Variants in XIRP2 observed in about 807,000 individuals in gnomAD.
XIRP2 encodes xin actin-binding repeat-containing protein 2.
XIRP2 carries 236 observed loss-of-function variants against 277.0 expected under a neutral mutation model. That is an observed-to-expected ratio of 0.85 (90% CI 0.77 to 0.95). The LOEUF (loss-of-function observed/expected upper bound fraction) is 0.95. Ranked by LOEUF, XIRP2 falls within the 40% of genes least tolerant of loss-of-function variation. XIRP2 has a pLI of 0.00. For missense variants in XIRP2, 4,640 were observed against 4,157.5 expected (o/e 1.12, Z -3.19); for synonymous variants, 1,490 against 1,416.5 (o/e 1.05, Z -1.17).
chr2:167,098,210 C>T (rs535015169), intron 2 of XIRP2, among the ~76,000 whole-genome samples: 8 of 152,322 alleles, frequency 5.3e-5, no homozygotes, highest in Middle Eastern at 6.8e-3. Flanking sequence ...AGTCTTTTCA[C>T]ATATTCCCAT....
intron 2 of XIRP2, among the ~76,000 whole-genome samples, chr2:167,068,798 C>T (rs56376536): frequency 0.06 from 9,203 of 152,160 alleles, 421 homozygotes; most frequent in Non-Finnish European, 0.082. Flanking sequence ...TGTGGCCCAG[C>T]ACAAATCATA....
At position 167,243,191 on chromosome 2, in the gene XIRP2, C is replaced by T; in HGVS notation, c.1799C>T (p.Ser600Phe). The T allele has an allele frequency of 6.2e-7, 1 of 1,614,084 alleles. No individual in the cohort carries two copies. The highest frequency in any genetic ancestry group is 8.5e-7 in the Non-Finnish European group (1 of 1,179,996). ...GGCTCTCCTGATGAAGGTGATATTT[C>T]CAGGGGCATTGCTGATCAAGAAATC... ...NNGSPDEGDISRGIADQEIIA... is the reference protein window; with the variant it reads ...NNGSPDEGDIFRGIADQEIIA... The change falls in exon 9 of 11, where the codon TCC (serine) becomes TTC (phenylalanine). Residue 600 changes from serine to phenylalanine, a missense_variant. Transcript: ENST00000409195.
At chr2:166,982,159 G>T (rs1574135432) in intron 2 of XIRP2, among the ~76,000 whole-genome samples, 1 of 151,664 alleles carries the variant, frequency 6.6e-6, no homozygotes, top group Admixed American at 6.6e-5. Flanking sequence ...ATATTTTAAA[G>T]GTTCTTTTTC....
At chr2:167,081,220 C>T (rs1689720594) in intron 2 of XIRP2, among the ~76,000 whole-genome samples, 1 of 152,126 alleles carries the variant, frequency 6.6e-6, no homozygotes, top group South Asian at 2.1e-4. Flanking sequence ...AATCCCAGCA[C>T]TTTGGGAGGT....
intron 2 of XIRP2, among the ~76,000 whole-genome samples, chr2:167,088,629 A>G (rs1226299295): frequency 6.6e-6 from 1 of 152,172 alleles, no homozygotes; most frequent in Non-Finnish European, 1.5e-5. Flanking sequence ...TCACAGGGCC[A>G]ATGGCTTTTC....
chr2:167,246,422 T>G lies in XIRP2; in HGVS notation c.5030T>G (p.Ile1677Ser), dbSNP rs1205471414. 2 of 1,613,714 alleles carry G rather than the reference T, an allele frequency of 1.2e-6. No homozygotes were observed. Among genetic ancestry groups the G allele is most frequent in the Non-Finnish European group, 1.7e-6 (2 of 1,179,794 alleles). ...GAGGAAAGATCTGTAAAGAAAGGCATCTTAATTCAGGAAGATGAAAAAGGA... is the reference window on the plus strand; with the variant it reads ...GAGGAAAGATCTGTAAAGAAAGGCAGCTTAATTCAGGAAGATGAAAAAGGA... ...FSEERSVKKGILIQEDEKGDI... is the reference protein window; with the variant it reads ...FSEERSVKKGSLIQEDEKGDI... The change falls in exon 9 of 11, where the codon ATC (isoleucine) becomes AGC (serine). Residue 1677 changes from isoleucine (I) to serine (S), a missense_variant. Ile to Ser is a moderately radical substitution (Grantham distance 142, BLOSUM62 -2). Transcript: ENST00000409195.
At position 167,089,613 on chromosome 2, in the gene XIRP2, A is replaced by T. The variant is rs1690081963; in HGVS notation, c.409-46296A>T. Among the ~76,000 whole-genome samples, 3 of 152,088 alleles carry T rather than the reference A, an allele frequency of 2.0e-5. No homozygotes were observed. In the South Asian group the frequency reaches 6.2e-4, roughly 31 times the overall value. ...CATATGTGTGTGTGTGTATTACTTA[A>T]GTAAATGTGTGTGGGGGGGTGTATT... On this transcript the variant is annotated intron_variant, in intron 2 of 10. Transcript: ENST00000409195.
intron 2 of XIRP2, among the ~76,000 whole-genome samples, chr2:166,996,774 T>C (rs1026255673): frequency 2.0e-5 from 3 of 152,162 alleles, no homozygotes; most frequent in Admixed American, 2.0e-4. Context: ...GCACCCCTTC[T>C]TACGACCACT....
At chr2:167,220,851 C>G (rs577840727) in intron 5 of XIRP2, among the ~76,000 whole-genome samples, 3 of 152,156 alleles carry the variant, frequency 2.0e-5, no homozygotes, top group Admixed American at 6.5e-5. Context: ...TATATATCTA[C>G]TCTACGGTCC....
At chr2:166,904,889 A>G (rs1242951839) in intron 2 of XIRP2, among the ~76,000 whole-genome samples, 1 of 152,080 alleles carries the variant, frequency 6.6e-6, no homozygotes, top group East Asian at 1.9e-4. Context: ...CCATCACAGA[A>G]ATAGAATATT....
intron 2 of XIRP2, among the ~76,000 whole-genome samples, chr2:167,033,221 A>G (rs1157626060): frequency 6.6e-6 from 1 of 152,120 alleles, no homozygotes; most frequent in East Asian, 1.9e-4. Flanking sequence ...ATTCTCACTC[A>G]TAAGTGGGAG....
chr2:167,085,765 C>A (rs1394863471), intron 2 of XIRP2, among the ~76,000 whole-genome samples: 1 of 151,946 alleles, frequency 6.6e-6, no homozygotes, highest in Non-Finnish European at 1.5e-5. Flanking sequence ...AGGATTGCAA[C>A]CCCTGCCTTT....
At chr2:167,133,122 T>G (rs2105315870) in intron 2 of XIRP2, among the ~76,000 whole-genome samples, 1 of 152,334 alleles carries the variant, frequency 6.6e-6, no homozygotes, top group Non-Finnish European at 1.5e-5. Flanking sequence ...AGGGAGGGCT[T>G]GAATCCAACT....
chr2:167,134,480 C>T (rs60303897), intron 2 of XIRP2, among the ~76,000 whole-genome samples: 12,936 of 151,964 alleles, frequency 0.085, 618 homozygotes, highest in African/African-American at 0.12. Flanking sequence ...AGCTGTCTCT[C>T]AAACTTGACT....
chr2:167,201,234 GAAAGAAAGAA>G (rs1693693162), intron 3 of XIRP2, among the ~76,000 whole-genome samples: 1 of 101,186 alleles, frequency 9.9e-6, no homozygotes, highest in African/African-American at 6.3e-5. Context: ...AAGAAAGAAA[GAAAGAAAGAA>G]AGAAAGAAAG....
In XIRP2 at chr2:167,243,282, G is replaced by C; in HGVS notation, c.1890G>C (p.Gly630=). 1 of 1,613,492 alleles carries C rather than the reference G, an allele frequency of 6.2e-7. No homozygotes were observed. Among genetic ancestry groups the C allele is most frequent in the Non-Finnish European group, 8.5e-7 (1 of 1,179,772 alleles). The change falls in exon 9 of 11, where the codon GGG becomes GGC. Residue 630 remains glycine (G), a synonymous_variant. Transcript: ENST00000409195. ...MFETQPIDTL[G]AYSSDTVENA... is the part of the protein sequence containing the mutation. ...AAACCCAACCCATCGACACACTTGG[G>C]GCTTATTCTTCTGACACTGTAGAAA...
At chr2:167,086,848 A>T (rs1689961473) in intron 2 of XIRP2, among the ~76,000 whole-genome samples, 1 of 150,758 alleles carries the variant, frequency 6.6e-6, no homozygotes, top group African/African-American at 2.4e-5. Flanking sequence ...ATTCTTCTAA[A>T]TTTTTTTCAA....
intron 3 of XIRP2, among the ~76,000 whole-genome samples, chr2:167,199,203 TA>T (rs1450360513): frequency 2.6e-5 from 4 of 152,188 alleles, no homozygotes; most frequent in Non-Finnish European, 5.9e-5. Flanking sequence ...AGGAAATTCC[TA>T]AAACACATTC....
chr2:166,967,368 T>G (rs1686461456), intron 2 of XIRP2, among the ~76,000 whole-genome samples: 1 of 151,850 alleles, frequency 6.6e-6, no homozygotes. Flanking sequence ...ATTAAATAAC[T>G]TTAAAGCAAT....
Sources: gnomAD v4.1 joint callset for allele counts (sites outside exome capture counted in the v4.1 genomes callset) on GRCh38, gnomAD v4.1.1 for gene constraint, MANE v1.5 for transcripts, NCBI Gene and HGNC (gene_info 2026-07-23, HGNC 2026-07-21) for gene names.